Variants in LPCAT2 observed in about 807,000 individuals in gnomAD.
LPCAT2 encodes the protein 1-AGP acyltransferase 11.
Under a neutral mutation model 64.7 loss-of-function variants are expected in LPCAT2, and 58 were observed. That is an observed-to-expected ratio of 0.90 (90% confidence interval 0.73 to 1.12). The LOEUF (loss-of-function observed/expected upper bound fraction) is 1.12. Ranked by LOEUF, LPCAT2 falls within the 50% of genes most tolerant of loss-of-function variation. The pLI, the probability that LPCAT2 is intolerant of heterozygous loss-of-function variation, is 0.00. For synonymous variants in LPCAT2, 252 were observed against 245.3 expected, an observed-to-expected ratio of 1.03 and a Z score of -0.26; for missense variants, 579 against 669.8, an observed-to-expected ratio of 0.86 and a Z score of 1.50.
At chr16:55,537,671 G>A in intron 8 of LPCAT2, 39 bp downstream of exon 8, 1 of 1,581,200 alleles carries the variant, frequency 6.3e-7, no homozygotes, top group Non-Finnish European at 8.7e-7. Flanking sequence ...CTTGAGATTT[G>A]GCCTTTCCTT....
intron 1 of LPCAT2, among the ~76,000 whole-genome samples, chr16:55,520,274 G>A (rs1321645809): frequency 6.6e-6 from 1 of 151,076 alleles, no homozygotes; most frequent in African/African-American, 2.4e-5. Flanking sequence ...TTCAAGACAT[G>A]TCATGATATC....
chr16:55,525,444 C>T lies in LPCAT2; in HGVS notation c.172-64C>T, dbSNP rs558630105. ...CATAAAACTTTCCTATTACATGTTT[C>T]TGTTTGATAGCCATGAATTAAAATA... On this transcript the variant is annotated intron_variant, in intron 1 of 13. Coordinates refer to ENST00000262134, the MANE Select transcript of LPCAT2 (RefSeq NM_017839.5). 2.1e-5 allele frequency: 31 copies of T among 1,460,902 alleles called. No homozygotes were observed. The African/African-American group carries it at 4.2e-4, about 20-fold the overall frequency. 90.5% of individuals were successfully genotyped at this position (1,460,902 alleles called of 1,614,324 possible).
At chr16:55,545,147 G>A (rs1454666659) in intron 8 of LPCAT2, among the ~76,000 whole-genome samples, 1 of 151,998 alleles carries the variant, frequency 6.6e-6, no homozygotes, top group African/African-American at 2.4e-5. Context: ...AACATCAAGT[G>A]GAGAAAAAGT....
chr16:55,562,178 C>G (rs1458049855), intron 11 of LPCAT2, among the ~76,000 whole-genome samples: 1 of 151,954 alleles, frequency 6.6e-6, no homozygotes, highest in African/African-American at 2.4e-5. Context: ...TCTCATCACT[C>G]CTAGCAATAG....
At chr16:55,552,026 T>C (rs1963523326) in intron 11 of LPCAT2, among the ~76,000 whole-genome samples, 5 of 152,198 alleles carry the variant, frequency 3.3e-5, no homozygotes, top group Admixed American at 1.3e-4. Flanking sequence ...AGCATGTAAC[T>C]ACCACTGCAT....
chr16:55,514,646 T>A (rs1237058230), intron 1 of LPCAT2, among the ~76,000 whole-genome samples: 1 of 152,238 alleles, frequency 6.6e-6, no homozygotes, highest in Non-Finnish European at 1.5e-5. Context: ...TTAAGATGTT[T>A]AGTTTTCATT....
chr16:55,529,779 C>T, intron 3 of LPCAT2, 56 bp from the exon 4 acceptor site: 1 of 858,488 alleles, frequency 1.2e-6, no homozygotes, highest in Non-Finnish European at 1.8e-6. Flanking sequence ...AGTATTATTG[C>T]TGTGGTTGCT....
rs1963934986 is a variant in LPCAT2, at chr16:55,585,549, T to C, written c.*2451T>C. ...CAGTTAAATGCACCATGGCTTCATA[T>C]AGTAATATAAAAAAACTCTTTGAAG... On this transcript the variant is annotated 3_prime_UTR_variant, in exon 14 of 14. Coordinates refer to ENST00000262134, the MANE Select transcript of LPCAT2 (RefSeq NM_017839.5). 6.6e-6 allele frequency: 1 copy of C among 152,230 alleles called. No individual in the cohort carries two copies. Among genetic ancestry groups the C allele is most frequent in the Non-Finnish European group, 1.5e-5 (1 of 68,034 alleles). 9.4% of individuals were successfully genotyped at this position (152,230 alleles called of 1,614,324 possible).
At chr16:55,569,933 T>C (rs536943528) in intron 11 of LPCAT2, among the ~76,000 whole-genome samples, 3 of 152,318 alleles carry the variant, frequency 2.0e-5, no homozygotes, top group Admixed American at 1.3e-4. Flanking sequence ...TTTTAAAAAT[T>C]TGCCTGCTCT....
At chr16:55,546,048 G>A (rs1200610635) in intron 9 of LPCAT2, among the ~76,000 whole-genome samples, 1 of 152,050 alleles carries the variant, frequency 6.6e-6, no homozygotes. Flanking sequence ...AGACTGGAGA[G>A]GATACAATAA....
At chr16:55,539,970 G>A (rs1267829601) in intron 8 of LPCAT2, 1 of 151,940 alleles carries the variant, frequency 6.6e-6, no homozygotes, top group Non-Finnish European at 1.5e-5. Flanking sequence ...TGCCGTTTTA[G>A]ACAGTCTTGC....
Position 55,585,663 on chromosome 16 carries a change from A to G in LPCAT2, c.*2565A>G, listed in dbSNP as rs143431156. On this transcript the variant is annotated 3_prime_UTR_variant, in exon 14 of 14. Coordinates refer to ENST00000262134, the MANE Select transcript of LPCAT2 (RefSeq NM_017839.5). ...GGATAATGACATACTGACTGCTTAC[A>G]GACCAAGTTGCTTGCATTTTGTATG... The G allele has an allele frequency of 2.2e-3, 342 of 152,350 alleles. 6 individuals are homozygous for G. Among genetic ancestry groups the G allele is most frequent in the African/African-American group, 8.0e-3 (331 of 41,584 alleles). 9.4% of individuals were successfully genotyped at this position (152,350 alleles called of 1,614,324 possible).
rs1183017645 is a variant in LPCAT2, at chr16:55,533,406, G to GGTTTTTT, written c.762+524_762+525insGTTTTTT. On this transcript the variant is annotated intron_variant, in intron 6 of 13. Transcript: ENST00000262134. ...CTTAACATCTTTTTTTGTTTTTCGG[G>GGTTTTTT]TTTTTTTTTTTTTTTTTTTTTTGAG... 5.2e-3 allele frequency among the ~76,000 whole-genome samples: 504 copies of GGTTTTTT among 96,500 alleles called. 11 individuals carry two copies. Among genetic ancestry groups the GGTTTTTT allele is most frequent in the African/African-American group, 0.02 (479 of 24,352 alleles). 63.3% of individuals were successfully genotyped at this position (96,500 alleles called of 152,430 possible). A position where few individuals can be genotyped will look rare whatever the true frequency, so the allele number is the denominator to read the frequency against.
At chr16:55,579,065 C>G in intron 12 of LPCAT2, 44 bp from the exon 13 acceptor site, 1 of 1,593,838 alleles carries the variant, frequency 6.3e-7, no homozygotes, top group Non-Finnish European at 8.6e-7. Flanking sequence ...TTCCCTACCA[C>G]TATGATCCTG....
At chr16:55,561,782 C>A (rs937969250) in intron 11 of LPCAT2, among the ~76,000 whole-genome samples, 19 of 152,076 alleles carry the variant, frequency 1.2e-4, no homozygotes, top group Middle Eastern at 3.4e-3. Context: ...GAAGAGAGTT[C>A]TTTTGTGATA....
intron 11 of LPCAT2, among the ~76,000 whole-genome samples, chr16:55,563,820 A>G (rs898458594): frequency 2.6e-5 from 4 of 151,888 alleles, no homozygotes; most frequent in African/African-American, 9.7e-5. Flanking sequence ...TCATGCTTCT[A>G]CTAACATGGT....
At position 55,565,529 on chromosome 16, in the gene LPCAT2, A is replaced by G. The variant is rs569530926; in HGVS notation, c.1216-9102A>G. ...ACAATATTATTCATCATTAGAAAGGAAGGGAATTCTGACACATGATACAAC... is the reference window on the plus strand; with the variant it reads ...ACAATATTATTCATCATTAGAAAGGGAGGGAATTCTGACACATGATACAAC... On this transcript the variant is annotated intron_variant, in intron 11 of 13. Coordinates refer to ENST00000262134, the MANE Select transcript of LPCAT2 (RefSeq NM_017839.5). Among the ~76,000 whole-genome samples, 3 of 152,240 alleles carry G rather than the reference A, an allele frequency of 2.0e-5. No individual in the cohort carries two copies. In the East Asian group the frequency reaches 5.8e-4, roughly 29 times the overall value.
At chr16:55,540,660 G>A (rs1417798234) in intron 8 of LPCAT2, 1 of 153,420 alleles carries the variant, frequency 6.5e-6, no homozygotes, top group African/African-American at 2.4e-5. Context: ...GACTTTAGAA[G>A]CCATTTAGTA....
At chr16:55,514,966 CA>C (rs1474556684) in intron 1 of LPCAT2, among the ~76,000 whole-genome samples, 2 of 144,490 alleles carry the variant, frequency 1.4e-5, no homozygotes, top group Non-Finnish European at 3.0e-5. Flanking sequence ...GACTATCAAA[CA>C]AAAAAAGAAT....
Sources: allele counts gnomAD v4.1 joint callset (sites outside exome capture counted in the v4.1 genomes callset), GRCh38; gene constraint gnomAD v4.1.1; transcripts MANE v1.5; gene names NCBI Gene and HGNC (gene_info 2026-07-23, HGNC 2026-07-21).